Variants in GXYLT2 observed in about 807,000 individuals in gnomAD.
GXYLT2 encodes the protein glucoside xylosyltransferase 2, also known as glycosyltransferase 8 domain containing 4.
GXYLT2 carries 53 observed loss-of-function variants against 45.8 expected under a neutral mutation model. The observed-to-expected ratio is 1.16, with a 90% CI of 0.93 to 1.46. GXYLT2 has a LOEUF of 1.46. Among genes scored for constraint, GXYLT2 ranks in the 40% most tolerant of loss-of-function variants. The probability of loss-of-function intolerance (pLI) is 0.00; values close to 1 mark genes in which losing one functional copy is unlikely to be tolerated. For synonymous variants in GXYLT2, 219 were observed against 214.2 expected (o/e 1.02, Z -0.19); for missense variants, 551 against 544.4 (o/e 1.01, Z -0.12).
intron 2 of GXYLT2, among the ~76,000 whole-genome samples, chr3:72,918,788 A>G (rs1295629504): frequency 1.3e-5 from 2 of 152,184 alleles, no homozygotes; most frequent in South Asian, 2.1e-4. Flanking sequence ...AGATCATGCC[A>G]CTGCACTCCA....
intron 3 of GXYLT2, chr3:72,929,148 T>C: frequency 6.3e-7 from 1 of 1,588,836 alleles, no homozygotes; most frequent in South Asian, 1.1e-5. Flanking sequence ...TACGTTTACC[T>C]GTCCATGTCT....
Position 72,949,502 on chromosome 3 carries a change from C to CTTTTTTTTTTT in GXYLT2, c.601-5578_601-5568dup, listed in dbSNP as rs56323434. 4.7e-4 allele frequency among the ~76,000 whole-genome samples: 34 copies of CTTTTTTTTTTT among 72,612 alleles called. 1 individual carries two copies. The highest frequency in any genetic ancestry group is 1.1e-3 in the African/African-American group (18 of 16,162). The allele number at this position is 72,612 out of a possible 152,430, so 47.6% of individuals were successfully genotyped here. On this transcript the variant is annotated intron_variant, in intron 3 of 6. Coordinates refer to ENST00000389617, the MANE Select transcript of GXYLT2 (RefSeq NM_001080393.2). ...TATGTATCATTCTTTCTTTCTTTTT[C>CTTTTTTTTTTT]TTTTTTTTTTTTTTTTTTTTTTTTT...
At chr3:72,959,018 C>T (rs1319369991) in intron 5 of GXYLT2, among the ~76,000 whole-genome samples, 1 of 148,410 alleles carries the variant, frequency 6.7e-6, no homozygotes, top group Non-Finnish European at 1.5e-5. Flanking sequence ...TTATGGCTCA[C>T]TGTAGCCTTG....
chr3:72,903,319 G>T (rs1709442712), intron 1 of GXYLT2, among the ~76,000 whole-genome samples: 1 of 152,158 alleles, frequency 6.6e-6, no homozygotes, highest in African/African-American at 2.4e-5. Context: ...TCTTCTCATA[G>T]TCTGATGCTT....
intron 3 of GXYLT2, among the ~76,000 whole-genome samples, chr3:72,928,643 A>G (rs1396437350): frequency 6.6e-6 from 1 of 152,186 alleles, no homozygotes; most frequent in Non-Finnish European, 1.5e-5. Context: ...TTTACAAGGG[A>G]GAGCCAGAGG....
intron 6 of GXYLT2, 73 bp downstream of exon 6, chr3:72,967,792 T>A: frequency 7.4e-7 from 1 of 1,352,776 alleles, no homozygotes; most frequent in Non-Finnish European, 1.0e-6. Flanking sequence ...TAGTCACCTG[T>A]CCCTTTGAAG....
intron 5 of GXYLT2, among the ~76,000 whole-genome samples, chr3:72,964,794 A>G (rs1710834783): frequency 6.6e-6 from 1 of 152,214 alleles, no homozygotes; most frequent in Admixed American, 6.5e-5. Flanking sequence ...TGTTTACAAA[A>G]ACAGACTCAA....
chr3:72,900,564 G>A (rs1458773191), intron 1 of GXYLT2, among the ~76,000 whole-genome samples: 5 of 151,826 alleles, frequency 3.3e-5, no homozygotes, highest in Admixed American at 3.3e-4. Context: ...ACAAGCACCC[G>A]CAACCACACC....
chr3:72,914,916 T>C (rs979480083), intron 2 of GXYLT2, among the ~76,000 whole-genome samples: 1 of 152,134 alleles, frequency 6.6e-6, no homozygotes, highest in African/African-American at 2.4e-5. Flanking sequence ...CCAGACGCAG[T>C]GGCTCACACC....
chr3:72,970,710 A>G (rs1710972900), intron 6 of GXYLT2, among the ~76,000 whole-genome samples: 1 of 151,950 alleles, frequency 6.6e-6, no homozygotes, highest in South Asian at 2.1e-4. Context: ...TAAAAATACA[A>G]AATTAGCTGG....
rs1230802209 is a variant in GXYLT2 at position 72,908,428 on chromosome 3, G to C, written c.337G>C (p.Ala113Pro). 6.2e-7 allele frequency: 1 copy of C among 1,613,766 alleles called. No individual in the cohort carries two copies. Among genetic ancestry groups the C allele is most frequent in the Non-Finnish European group, 8.5e-7 (1 of 1,179,874 alleles). Residue 113 changes from alanine (A) to proline (P), a missense_variant, in exon 2 of 7, where the codon GCT becomes CCT. Coordinates refer to ENST00000389617, the MANE Select transcript of GXYLT2 (RefSeq NM_001080393.2). ...VLPPELWIHLAVVACGNRLEE... is the reference protein window; with the variant it reads ...VLPPELWIHLPVVACGNRLEE... ...GCCACCCGAGCTCTGGATCCACCTG[G>C]CTGTGGTGGCCTGTGGCAATCGGCT...
At chr3:72,963,090 T>G (rs13075968) in intron 5 of GXYLT2, among the ~76,000 whole-genome samples, 72,424 of 151,816 alleles carry the variant, frequency 0.48, 20,125 homozygotes, top group Non-Finnish European at 0.62. Context: ...GCAGGGAGTA[T>G]TGCTTGAGGC....
At chr3:72,966,715 T>G (rs1710873622) in intron 5 of GXYLT2, among the ~76,000 whole-genome samples, 1 of 151,988 alleles carries the variant, frequency 6.6e-6, no homozygotes, top group Non-Finnish European at 1.5e-5. Context: ...CTGCAACCTC[T>G]GCCACCTCCT....
intron 1 of GXYLT2, among the ~76,000 whole-genome samples, chr3:72,899,844 G>C (rs4566476): frequency 0.29 from 44,288 of 151,914 alleles, 6,870 homozygotes; most frequent in Non-Finnish European, 0.34. Flanking sequence ...ATAAGGTGAG[G>C]GTATTCAGCT....
Position 72,968,463 on chromosome 3 carries a change from T to G in GXYLT2, c.1149+744T>G, listed in dbSNP as rs139946218. 4.3e-4 allele frequency among the ~76,000 whole-genome samples: 65 copies of G among 152,318 alleles called. 1 individual carries two copies. The East Asian group carries it at 0.012, about 29-fold the overall frequency. On this transcript the variant is annotated intron_variant, in intron 6 of 6. Coordinates refer to ENST00000389617, the MANE Select transcript of GXYLT2 (RefSeq NM_001080393.2). ...GTTCAGTTACAACAAGGAGCCAAAC[T>G]AAAAGTAACAATCAAGCCTTTATTT...
intron 6 of GXYLT2, among the ~76,000 whole-genome samples, chr3:72,972,477 C>T (rs1159968965): frequency 6.6e-6 from 1 of 151,614 alleles, no homozygotes; most frequent in Admixed American, 6.6e-5. Flanking sequence ...CCCATCTCTA[C>T]TAAAAATACA....
intron 2 of GXYLT2, among the ~76,000 whole-genome samples, chr3:72,911,969 G>A (rs893093323): frequency 7.0e-6 from 1 of 142,866 alleles, no homozygotes; most frequent in East Asian, 2.0e-4. Flanking sequence ...GTGTGTGTGT[G>A]TGTGTGCATG....
chr3:72,889,157 C>T (rs748963389), intron 1 of GXYLT2, among the ~76,000 whole-genome samples: 2 of 152,202 alleles, frequency 1.3e-5, no homozygotes, highest in African/African-American at 4.8e-5. Context: ...TTGATACTCT[C>T]TTTCCCTACA....
chr3:72,914,095 T>C (rs981615742), intron 2 of GXYLT2, among the ~76,000 whole-genome samples: 1 of 152,130 alleles, frequency 6.6e-6, no homozygotes, highest in Non-Finnish European at 1.5e-5. Context: ...GGATAACTTC[T>C]GGGAAGCTCA....
Sources: allele counts gnomAD v4.1 joint callset (sites outside exome capture counted in the v4.1 genomes callset), GRCh38; gene constraint gnomAD v4.1.1; transcripts MANE v1.5; gene names NCBI Gene and HGNC (gene_info 2026-07-23, HGNC 2026-07-21).